RIMBP2: variants seen among roughly 807,000 people sequenced by gnomAD.
RIMBP2 encodes the protein RIMS binding protein 2.
A neutral mutation model predicts 118.6 loss-of-function variants in RIMBP2; 48 were observed. The observed-to-expected ratio is 0.40, with a 90% confidence interval of 0.32 to 0.51. The LOEUF is 0.51. RIMBP2 is among the 20% of genes least tolerant of loss of function. The pLI is 0.41. For missense variants in RIMBP2, 1,551 were observed against 1,768.3 expected (o/e 0.88, Z 2.20); for synonymous variants, 762 against 742.9 (o/e 1.03, Z -0.42).
chr12:130,470,663 C>A, intron 6 of RIMBP2, 30 bp downstream of exon 6: 1 of 1,224,706 alleles, frequency 8.2e-7, no homozygotes. Flanking sequence ...TCCCCCACCC[C>A]CGGGCAGAAA....
intron 15 of RIMBP2, chr12:130,426,980 T>G (rs1407302152): frequency 6.6e-6 from 1 of 152,384 alleles, no homozygotes; most frequent in Non-Finnish European, 1.5e-5. Flanking sequence ...ATCTGCTCCG[T>G]GGTGTCACCT....
At position 130,714,188 on chromosome 12, in the gene RIMBP2, T is replaced by C. The variant is rs189468193; in HGVS notation, c.-352+2034A>G. 5.9e-5 allele frequency among the ~76,000 whole-genome samples: 9 copies of C among 152,364 alleles called. No individual in the cohort carries two copies. In the East Asian group the frequency reaches 1.5e-3, roughly 26 times the overall value. On this transcript the variant is annotated intron_variant, in intron 1 of 22. Coordinates refer to ENST00000690449, the MANE Select transcript of RIMBP2 (RefSeq NM_001393629.1). ...GCAAGCTCAGGAAAGAGCCAGCTCC[T>C]GCCTCTCCTCCCGCCCCCTGAGCAC...
At chr12:130,655,640 C>T (rs2063396630) in intron 1 of RIMBP2, among the ~76,000 whole-genome samples, 1 of 152,212 alleles carries the variant, frequency 6.6e-6, no homozygotes, top group Non-Finnish European at 1.5e-5. Flanking sequence ...GTGGTTACTA[C>T]ACAGAGCGAA....
At chr12:130,481,849 C>T (rs183944060) in intron 4 of RIMBP2, among the ~76,000 whole-genome samples, 1 of 152,316 alleles carries the variant, frequency 6.6e-6, no homozygotes, top group Admixed American at 6.5e-5. Flanking sequence ...TCCCCCCGCC[C>T]CGCTGGGCTG....
intron 6 of RIMBP2, among the ~76,000 whole-genome samples, chr12:130,459,287 A>G (rs1487149781): frequency 1.3e-5 from 2 of 151,226 alleles, no homozygotes; most frequent in African/African-American, 4.9e-5. Flanking sequence ...ACAGCTATAT[A>G]CGAAAAAAAA....
intron 1 of RIMBP2, among the ~76,000 whole-genome samples, chr12:130,687,899 G>C (rs1460311524): frequency 6.6e-6 from 1 of 152,144 alleles, no homozygotes; most frequent in Non-Finnish European, 1.5e-5. Flanking sequence ...ATAAATGCTG[G>C]CAATTACTTC....
At chr12:130,439,655 TGTGTTTTTTTGTGTGGGGG>T (rs2077911365) in intron 11 of RIMBP2, among the ~76,000 whole-genome samples, 1 of 22,298 alleles carries the variant, frequency 4.5e-5, no homozygotes, top group Admixed American at 8.6e-4. Context: ...GTGGGGGGGA[TGTGTTTTTTTGTGTGGGGG>T]GTGTATGTGT....
intron 1 of RIMBP2, among the ~76,000 whole-genome samples, chr12:130,678,247 A>T (rs999235354): frequency 6.6e-6 from 1 of 152,226 alleles, no homozygotes; most frequent in Admixed American, 6.5e-5. Flanking sequence ...CTGGGGGAGC[A>T]GCGAAAACGC....
chr12:130,615,863 C>T (rs533389084), intron 2 of RIMBP2, among the ~76,000 whole-genome samples: 85 of 152,272 alleles, frequency 5.6e-4, no homozygotes, highest in African/African-American at 1.9e-3. Context: ...CGGTTTCAAA[C>T]GTCTGCCATC....
intron 1 of RIMBP2, among the ~76,000 whole-genome samples, chr12:130,633,342 T>C (rs1420653654): frequency 1.3e-5 from 2 of 152,216 alleles, no homozygotes; most frequent in Non-Finnish European, 2.9e-5. Flanking sequence ...CTGTTTCTAA[T>C]GCCAGTTCTG....
At position 130,437,080 on chromosome 12, in the gene RIMBP2, C is replaced by T. The variant is rs1566031041; in HGVS notation, c.1868G>A (p.Gly623Glu). 6 of 1,576,790 alleles carry T rather than the reference C, an allele frequency of 3.8e-6. No individual in the cohort carries two copies. The highest frequency in any genetic ancestry group is 5.2e-6 in the Non-Finnish European group (6 of 1,159,400). ...APQSKPLASSGVPETKDEHLG... is the reference protein window; with the variant it reads ...APQSKPLASSEVPETKDEHLG... ...GTGCTCGTCTTTGGTTTCGGGGACT[C>T]CAGAACTTGCTAATGGCTTTGATTG... The change falls in exon 13 of 23, where the codon GGA becomes GAA. Residue 623 changes from glycine to glutamate, a missense_variant. This residue lies in a region of RIMBP2 where 1,038 missense variants were observed against 1,125.1 expected (regional missense o/e 0.92). Transcript: ENST00000690449.
At chr12:130,613,389 A>C (rs1023165215) in intron 2 of RIMBP2, among the ~76,000 whole-genome samples, 2 of 152,164 alleles carry the variant, frequency 1.3e-5, no homozygotes, top group Non-Finnish European at 2.9e-5. Context: ...ACAGGGCAAG[A>C]GAACCTGAGT....
At position 130,699,853 on chromosome 12, in the gene RIMBP2, C is replaced by T. The variant is rs186483057; in HGVS notation, c.-352+16369G>A. 3.8e-3 allele frequency among the ~76,000 whole-genome samples: 536 copies of T among 141,602 alleles called. 1 individual carries two copies. Among genetic ancestry groups the T allele is most frequent in the Middle Eastern group, 0.013 (3 of 236 alleles). The allele number at this position is 141,602 out of a possible 152,430, so 92.9% of individuals were successfully genotyped here. ...CTGGGAGGCAGAAGTTGCAGTGAGC[C>T]GAGATCATGCCTCTGCACTCCAGCC... On this transcript the variant is annotated intron_variant, in intron 1 of 22. Transcript: ENST00000690449.
intron 2 of RIMBP2, among the ~76,000 whole-genome samples, chr12:130,559,818 A>G (rs1403641747): frequency 6.6e-6 from 1 of 152,204 alleles, no homozygotes; most frequent in Non-Finnish European, 1.5e-5. Context: ...TCCCAGATCT[A>G]GCACTTTGTA....
intron 9 of RIMBP2, 65 bp from the exon 10 acceptor site, chr12:130,445,334 G>A (rs2078440465): frequency 8.7e-7 from 1 of 1,146,322 alleles, no homozygotes; most frequent in East Asian, 2.5e-5. Flanking sequence ...CCCTGTCCGT[G>A]CAGAACGCCA....
Position 130,506,861 on chromosome 12 carries a change from A to G in RIMBP2, c.-126-91T>C, listed in dbSNP as rs369349668. On this transcript the variant is annotated intron_variant, in intron 3 of 22. Coordinates refer to ENST00000690449, the MANE Select transcript of RIMBP2 (RefSeq NM_001393629.1). ...TTCCTCTTTAGGAGCAAAATCTTCA[A>G]TTTCCTCCTAGAGAATCCTTCCCTC... is the stretch of plus-strand genomic sequence containing the variant. 13 of 906,762 alleles carry G rather than the reference A, an allele frequency of 1.4e-5. No individual in the cohort carries two copies. In the East Asian group the frequency reaches 1.1e-3, roughly 74 times the overall value. The allele number at this position is 906,762 out of a possible 1,614,324, so 56.2% of individuals were successfully genotyped here.
chr12:130,512,339 T>TC (rs2051001044), intron 3 of RIMBP2, among the ~76,000 whole-genome samples: 2 of 151,936 alleles, frequency 1.3e-5, no homozygotes, highest in Admixed American at 6.6e-5. Context: ...CTTTTTTTTT[T>TC]CTTGAGAGAG....
chr12:130,448,555 A>G (rs1665310461), intron 9 of RIMBP2, among the ~76,000 whole-genome samples: 1 of 152,232 alleles, frequency 6.6e-6, no homozygotes, highest in African/African-American at 2.4e-5. Context: ...GGGTTCTGTG[A>G]ATGGCTGCGC....
chr12:130,439,438 TGTGTGG>T (rs1282879432), intron 11 of RIMBP2, among the ~76,000 whole-genome samples: 70 of 144,734 alleles, frequency 4.8e-4, no homozygotes, highest in Non-Finnish European at 6.9e-4. Flanking sequence ...TGTATGTGGG[TGTGTGG>T]GTGTGGGTGT....
Sources: allele counts gnomAD v4.1 joint callset (sites outside exome capture counted in the v4.1 genomes callset), GRCh38; gene constraint gnomAD v4.1.1; regional missense constraint gnomAD v4.1.1; transcripts MANE v1.5; gene names NCBI Gene and HGNC (gene_info 2026-07-23, HGNC 2026-07-21).